Variants in UNC5D observed in about 807,000 individuals in gnomAD.
UNC5D encodes the protein netrin receptor UNC5D.
Under a neutral mutation model 105.4 loss-of-function variants are expected in UNC5D, and 39 were observed. The ratio of observed to expected loss-of-function variants is 0.37; its 90% confidence interval spans 0.29 to 0.48. The LOEUF (loss-of-function observed/expected upper bound fraction) is 0.48, where lower values mean the gene tolerates loss of function less well. Ranked by LOEUF, UNC5D falls within the 20% of genes least tolerant of loss-of-function variation. The pLI is 0.98. For missense variants in UNC5D, 991 were observed against 1,202.4 expected, an observed-to-expected ratio of 0.82 and a Z score of 2.60; for synonymous variants, 452 against 450.4, an observed-to-expected ratio of 1.00 and a Z score of -0.04.
intron 1 of UNC5D, among the ~76,000 whole-genome samples, chr8:35,348,749 G>A (rs1310978337): frequency 1.3e-5 from 2 of 151,766 alleles, no homozygotes; most frequent in African/African-American, 2.4e-5. Context: ...AGTTGAAGAT[G>A]TATATATCCT....
chr8:35,551,686 C>T (rs530622873), intron 2 of UNC5D, among the ~76,000 whole-genome samples: 15 of 151,990 alleles, frequency 9.9e-5, no homozygotes, highest in East Asian at 9.7e-4. Context: ...GGGTTGGTGA[C>T]GGGTGCCTGT....
At chr8:35,484,291 T>C (rs114370931) in intron 1 of UNC5D, among the ~76,000 whole-genome samples, 81 of 152,224 alleles carry the variant, frequency 5.3e-4, no homozygotes, top group African/African-American at 1.9e-3. Flanking sequence ...AAGCCTAGAG[T>C]TGGCTATACT....
chr8:35,526,632 G>A (rs1433157621), intron 1 of UNC5D, among the ~76,000 whole-genome samples: 10 of 151,842 alleles, frequency 6.6e-5, no homozygotes, highest in Admixed American at 4.6e-4. Flanking sequence ...TTATTTCCAA[G>A]CACTTTAAAT....
At chr8:35,621,636 T>G (rs1006723667) in intron 4 of UNC5D, among the ~76,000 whole-genome samples, 2 of 151,952 alleles carry the variant, frequency 1.3e-5, no homozygotes, top group Non-Finnish European at 2.9e-5. Flanking sequence ...GGCTTCTCAT[T>G]AAAAAAATGA....
At chr8:35,339,794 A>G (rs1811326673) in intron 1 of UNC5D, among the ~76,000 whole-genome samples, 1 of 152,164 alleles carries the variant, frequency 6.6e-6, no homozygotes, top group South Asian at 2.1e-4. Flanking sequence ...ATGGTGGACT[A>G]TTGTTCTAAA....
intron 11 of UNC5D, among the ~76,000 whole-genome samples, chr8:35,739,729 T>C (rs2131602716): frequency 6.6e-6 from 1 of 152,352 alleles, no homozygotes; most frequent in African/African-American, 2.4e-5. Context: ...TGCCATCTCT[T>C]TTATTGCCCA....
At chr8:35,400,011 G>A (rs1307450749) in intron 1 of UNC5D, among the ~76,000 whole-genome samples, 2 of 152,146 alleles carry the variant, frequency 1.3e-5, no homozygotes, top group Admixed American at 1.3e-4. Flanking sequence ...CTTTGTATAA[G>A]AGTATTAAGG....
Position 35,721,300 on chromosome 8 carries a change from G to C in UNC5D, c.1118-910G>C, listed in dbSNP as rs552894161. On this transcript the variant is annotated intron_variant, in intron 8 of 16. Coordinates refer to ENST00000404895, the MANE Select transcript of UNC5D (RefSeq NM_080872.4). ...AAATCTCGTGTGCTGTATTGCAGGA[G>C]CCATCATGGATCTGCTACAGGAATA... 1.6e-4 allele frequency among the ~76,000 whole-genome samples: 25 copies of C among 152,086 alleles called. No individual in the cohort carries two copies. The East Asian group carries it at 4.6e-3, about 28-fold the overall frequency.
chr8:35,248,081 A>G (rs1803277115), intron 1 of UNC5D, among the ~76,000 whole-genome samples: 1 of 71,946 alleles, frequency 1.4e-5, no homozygotes. Context: ...TATATAAAAA[A>G]TATAATATAT....
intron 3 of UNC5D, among the ~76,000 whole-genome samples, chr8:35,588,365 G>A (rs544642172): frequency 2.0e-5 from 3 of 152,214 alleles, no homozygotes; most frequent in African/African-American, 7.2e-5. Context: ...AGATATGGTG[G>A]TTATGCTTTA....
intron 11 of UNC5D, among the ~76,000 whole-genome samples, chr8:35,739,278 T>C (rs1208161170): frequency 6.6e-6 from 1 of 152,062 alleles, no homozygotes; most frequent in Non-Finnish European, 1.5e-5. Flanking sequence ...TATAATGCCA[T>C]TAACCCACCG....
intron 1 of UNC5D, among the ~76,000 whole-genome samples, chr8:35,330,975 T>G (rs1384618213): frequency 6.6e-6 from 1 of 152,212 alleles, no homozygotes; most frequent in Non-Finnish European, 1.5e-5. Context: ...TTTAAGTGCT[T>G]CCTGGGGCTG....
intron 3 of UNC5D, among the ~76,000 whole-genome samples, chr8:35,578,384 C>T (rs1171663599): frequency 6.6e-6 from 1 of 151,864 alleles, no homozygotes; most frequent in Non-Finnish European, 1.5e-5. Context: ...AGTAATGGCT[C>T]ATTTAACTGT....
chr8:35,247,494 G>T, intron 1 of UNC5D, among the ~76,000 whole-genome samples: 1 of 131,372 alleles, frequency 7.6e-6, no homozygotes, highest in African/African-American at 2.9e-5. Flanking sequence ...GAATCTACTA[G>T]GAGATCCTAA....
At chr8:35,618,050 A>T (rs1398581797) in intron 4 of UNC5D, among the ~76,000 whole-genome samples, 1 of 152,224 alleles carries the variant, frequency 6.6e-6, no homozygotes, top group Non-Finnish European at 1.5e-5. Context: ...AGGAAGTGTC[A>T]GGCTGACGAT....
At chr8:35,404,409 T>C (rs1171305737) in intron 1 of UNC5D, among the ~76,000 whole-genome samples, 1 of 152,188 alleles carries the variant, frequency 6.6e-6, no homozygotes, top group Non-Finnish European at 1.5e-5. Context: ...GGTTTTGTGG[T>C]GCTTGGACTT....
chr8:35,661,494 A>G (rs1271455879), intron 4 of UNC5D, among the ~76,000 whole-genome samples: 1 of 152,208 alleles, frequency 6.6e-6, no homozygotes, highest in Admixed American at 6.5e-5. Flanking sequence ...AGAGAAATCT[A>G]CTACTTTAAC....
In UNC5D at chr8:35,639,887, A is replaced by AT. The variant is rs201887387; in HGVS notation, c.571-43650dup. Among the ~76,000 whole-genome samples the AT allele has an allele frequency of 5.9e-3, 878 of 147,758 alleles. 7 individuals carry two copies. The highest frequency in any genetic ancestry group is 0.021 in the African/African-American group (827 of 40,276). ...TAGGCATGCACCCCCATGCCTGGCT[A>AT]TTTTTTTTTTAAATTTTTTGTAGTG... On this transcript the variant is annotated intron_variant, in intron 4 of 16. Coordinates refer to ENST00000404895, the MANE Select transcript of UNC5D (RefSeq NM_080872.4).
intron 7 of UNC5D, among the ~76,000 whole-genome samples, chr8:35,697,312 ACATGT>A (rs917288201): frequency 6.6e-6 from 1 of 151,812 alleles, no homozygotes; most frequent in Non-Finnish European, 1.5e-5. Flanking sequence ...AACACCACTG[ACATGT>A]CAGTGACTTC....
Sources: allele counts gnomAD v4.1 joint callset (sites outside exome capture counted in the v4.1 genomes callset), GRCh38; gene constraint gnomAD v4.1.1; transcripts MANE v1.5; gene names NCBI Gene and HGNC (gene_info 2026-07-23, HGNC 2026-07-21).